The following EPHB2 variants were observed in gnomAD, a reference collection of about 807,000 sequenced individuals.
EPHB2 encodes EPH receptor B2.
Under a neutral mutation model 96.4 loss-of-function variants are expected in EPHB2, and 18 were observed. The ratio of observed to expected loss-of-function variants is 0.19; its 90% CI spans 0.13 to 0.28. The LOEUF is 0.28. Among genes scored for constraint, EPHB2 ranks in the 10% least tolerant of loss-of-function variants. The pLI, the probability that EPHB2 is intolerant of heterozygous loss-of-function variation, is 1.00. For missense variants in EPHB2, 989 were observed against 1,355.4 expected, an observed-to-expected ratio of 0.73 and a Z score of 4.25; for synonymous variants, 506 against 534.1, an observed-to-expected ratio of 0.95 and a Z score of 0.72.
chr1:22,792,959 G>C (rs113427513), intron 3 of EPHB2, among the ~76,000 whole-genome samples: 8 of 152,198 alleles, frequency 5.3e-5, no homozygotes, highest in African/African-American at 1.7e-4. Flanking sequence ...GCCTCCAGGA[G>C]GAGGGGCCAC....
chr1:22,772,456 C>G (rs934706700), intron 1 of EPHB2, among the ~76,000 whole-genome samples: 3 of 152,230 alleles, frequency 2.0e-5, no homozygotes, highest in African/African-American at 7.2e-5. Context: ...GCTGGGTTCT[C>G]TTTCCTCGAG....
Position 22,832,794 on chromosome 1 carries a change from C to G in EPHB2, c.812-30243C>G, listed in dbSNP as rs548568615. Among the ~76,000 whole-genome samples, 5 of 152,270 alleles carry G rather than the reference C, an allele frequency of 3.3e-5. No homozygotes were observed. In the East Asian group the frequency reaches 9.7e-4, roughly 29 times the overall value. On this transcript the variant is annotated intron_variant, in intron 3 of 15. Transcript: ENST00000374630. ...TAAGACTTTGAGGGTTCAGCCAATA[C>G]TTTATAATAGAAGAAGAGGGGGTAC...
chr1:22,875,708 C>G lies in EPHB2; in HGVS notation c.1304-6651C>G, dbSNP rs551942735. Among the ~76,000 whole-genome samples, 1 of 152,316 alleles carries G rather than the reference C, an allele frequency of 6.6e-6. No homozygotes were observed. Among genetic ancestry groups the G allele is most frequent in the East Asian group, 1.9e-4 (1 of 5,180 alleles). ...TTGGTCATGCACCTACTCCAAGCCACACACTGTTTCAGGCTCTGGGGATAA... is the reference window on the plus strand; with the variant it reads ...TTGGTCATGCACCTACTCCAAGCCAGACACTGTTTCAGGCTCTGGGGATAA... On this transcript the variant is annotated intron_variant, in intron 5 of 15. Transcript: ENST00000374630. The surrounding 1 kb of genome is among the most constrained non-coding windows in gnomAD (Gnocchi z 4.2).
At chr1:22,907,820 A>T in intron 11 of EPHB2, 133 bp from the exon 12 acceptor site, 3 of 1,105,094 alleles carry the variant, frequency 2.7e-6, no homozygotes, top group South Asian at 1.3e-5. Context: ...GTCCCAAAGC[A>T]TCTGAGTCCT....
chr1:22,809,086 G>C (rs6700141), intron 3 of EPHB2, among the ~76,000 whole-genome samples: 1 of 152,198 alleles, frequency 6.6e-6, no homozygotes, highest in African/African-American at 2.4e-5. Flanking sequence ...CCATTTCCTC[G>C]GGCCCAGACA....
At position 22,831,620 on chromosome 1, in the gene EPHB2, T is replaced by C. The variant is rs79179161; in HGVS notation, c.812-31417T>C. ...AGAGCAGGGCAGGAATCCAGGGCTT[T>C]CCAAATTCAGAGCCTTAACACCATG... On this transcript the variant is annotated intron_variant, in intron 3 of 15. Coordinates refer to ENST00000374630, the MANE Select transcript of EPHB2 (RefSeq NM_017449.5). 7.9e-5 allele frequency among the ~76,000 whole-genome samples: 12 copies of C among 152,060 alleles called. No individual in the cohort carries two copies. The East Asian group carries it at 2.3e-3, about 30-fold the overall frequency.
chr1:22,780,869 G>C, intron 1 of EPHB2, among the ~76,000 whole-genome samples: 1 of 152,162 alleles, frequency 6.6e-6, no homozygotes, highest in Non-Finnish European at 1.5e-5. Flanking sequence ...GCGGGGCCTA[G>C]AGGAGTGGCA....
intron 3 of EPHB2, among the ~76,000 whole-genome samples, chr1:22,814,801 G>A (rs1193031370): frequency 1.3e-5 from 2 of 152,234 alleles, no homozygotes; most frequent in Non-Finnish European, 2.9e-5. Flanking sequence ...CAGGCCAGCC[G>A]AGGCCACTGG....
intron 3 of EPHB2, among the ~76,000 whole-genome samples, chr1:22,849,019 C>T (rs1645584687): frequency 6.6e-6 from 1 of 152,146 alleles, no homozygotes; most frequent in South Asian, 2.1e-4. Flanking sequence ...ACTGTTAGAA[C>T]AAAGGTGCCC....
chr1:22,788,747 G>GTTTTTTTTTTTTTT (rs1302258024), intron 3 of EPHB2, among the ~76,000 whole-genome samples: 1 of 90,690 alleles, frequency 1.1e-5, no homozygotes, highest in African/African-American at 3.9e-5. Flanking sequence ...TTTGTCTTTT[G>GTTTTTTTTTTTTTT]TTTTTGTTTT....
chr1:22,800,945 C>T (rs74561865), intron 3 of EPHB2, among the ~76,000 whole-genome samples: 184 of 152,314 alleles, frequency 1.2e-3, no homozygotes, highest in Non-Finnish European at 2.2e-3. Context: ...CTGTTTTGCG[C>T]AACGCTCCAT....
intron 1 of EPHB2, among the ~76,000 whole-genome samples, chr1:22,756,259 T>A (rs1161635820): frequency 6.6e-6 from 1 of 152,010 alleles, no homozygotes; most frequent in Non-Finnish European, 1.5e-5. Flanking sequence ...AAAGGGGGTG[T>A]TCGGGGAAGG....
At chr1:22,781,536 C>A in intron 2 of EPHB2, 51 bp downstream of exon 2, 1 of 1,588,510 alleles carries the variant, frequency 6.3e-7, no homozygotes, top group Non-Finnish European at 8.6e-7. Context: ...TCCCTCAAGC[C>A]CTGCTGCAGG....
intron 3 of EPHB2, among the ~76,000 whole-genome samples, chr1:22,850,910 A>G (rs973520372): frequency 4.6e-5 from 7 of 152,228 alleles, no homozygotes; most frequent in Non-Finnish European, 7.3e-5. Flanking sequence ...TGGAGTGGGC[A>G]AGAGGCCAGG....
chr1:22,723,831 T>C (rs1643523579), intron 1 of EPHB2, among the ~76,000 whole-genome samples: 2 of 152,254 alleles, frequency 1.3e-5, no homozygotes, highest in Non-Finnish European at 2.9e-5. Flanking sequence ...CAAGCCTCTC[T>C]CATCCTCAGT....
At chr1:22,837,295 C>G (rs1250880354) in intron 3 of EPHB2, among the ~76,000 whole-genome samples, 3 of 152,194 alleles carry the variant, frequency 2.0e-5, no homozygotes, top group Non-Finnish European at 4.4e-5. Context: ...AGGGCCATTT[C>G]CACAGTCGGG....
At chr1:22,765,415 C>T (rs1208871209) in intron 1 of EPHB2, among the ~76,000 whole-genome samples, 12 of 151,898 alleles carry the variant, frequency 7.9e-5, no homozygotes, top group Non-Finnish European at 1.3e-4. Flanking sequence ...GGCATGGTGG[C>T]GGGCACCTGT....
chr1:22,768,766 A>G (rs904004958), intron 1 of EPHB2, among the ~76,000 whole-genome samples: 2 of 121,826 alleles, frequency 1.6e-5, no homozygotes, highest in Non-Finnish European at 1.7e-5. Flanking sequence ...TCCCTCCTGC[A>G]GGTTCTTGAA....
chr1:22,792,920 G>A (rs1031958718), intron 3 of EPHB2, among the ~76,000 whole-genome samples: 4 of 152,162 alleles, frequency 2.6e-5, no homozygotes, highest in Non-Finnish European at 2.9e-5. Context: ...CCAGGGGAGC[G>A]TCAGCCAGGA....
Sources: allele counts gnomAD v4.1 joint callset (sites outside exome capture counted in the v4.1 genomes callset), GRCh38; gene constraint gnomAD v4.1.1; non-coding constraint Gnocchi (gnomAD v3.1); transcripts MANE v1.5; gene names NCBI Gene and HGNC (gene_info 2026-07-23, HGNC 2026-07-21).